The following AMMECR1 variants were observed in gnomAD, a reference collection of about 807,000 sequenced individuals.
AMMECR1 encodes the protein AMMECR nuclear protein 1, also known as nuclear protein AMMECR1.
A neutral mutation model predicts 22.5 loss-of-function variants in AMMECR1; 3 were observed. The ratio of observed to expected loss-of-function variants is 0.13; its 90% CI spans 0.06 to 0.35. AMMECR1 has a LOEUF of 0.35. Among genes scored for constraint, AMMECR1 ranks in the 10% least tolerant of loss-of-function variants. The pLI, the probability that AMMECR1 is intolerant of heterozygous loss-of-function variation, is 1.00. For missense variants in AMMECR1, 235 were observed against 278.7 expected (o/e 0.84, Z 1.12); for synonymous variants, 130 against 116.7 (o/e 1.11, Z -0.74).
At chrX:110,276,857 T>G (rs1028793968) in intron 1 of AMMECR1, among the ~76,000 whole-genome samples, 3 of 111,305 alleles carry the variant, frequency 2.7e-5, no homozygotes, top group Non-Finnish European at 5.7e-5. Context: ...CTCCATAAAT[T>G]TCTGCCACCT....
intron 2 of AMMECR1, among the ~76,000 whole-genome samples, chrX:110,388,637 G>A (rs1408207308): frequency 1.8e-5 from 2 of 112,331 alleles, no homozygotes. Context: ...AGCCCCTGGA[G>A]GGCTTCTTAA....
chrX:110,349,264 A>G (rs1477901137), intron 2 of AMMECR1, among the ~76,000 whole-genome samples: 1 of 111,999 alleles, frequency 8.9e-6, no homozygotes, highest in Non-Finnish European at 1.9e-5. Flanking sequence ...TGCTATATCA[A>G]GAATACCCCA....
intron 2 of AMMECR1, among the ~76,000 whole-genome samples, chrX:110,331,593 A>G (rs1366030310): frequency 9.0e-6 from 1 of 111,467 alleles, no homozygotes; most frequent in Non-Finnish European, 1.9e-5. Context: ...ACTGAGAGCC[A>G]TGTGACTACT....
At chrX:110,292,936 T>C (rs1484415514) in intron 1 of AMMECR1, among the ~76,000 whole-genome samples, 1 of 112,073 alleles carries the variant, frequency 8.9e-6, no homozygotes, top group Non-Finnish European at 1.9e-5. Context: ...TATATATATG[T>C]GCGAGCAAGG....
intron 2 of AMMECR1, among the ~76,000 whole-genome samples, chrX:110,260,390 A>G (rs2067733985): frequency 9.0e-6 from 1 of 111,499 alleles, no homozygotes; most frequent in Non-Finnish European, 1.9e-5. Context: ...TGACTTTGAC[A>G]AGTACTTTAC....
Position 110,263,125 on chromosome X carries a change from GT to G in AMMECR1, c.584+1363del, listed in dbSNP as rs1358893784. Among the ~76,000 whole-genome samples the G allele has an allele frequency of 1.8e-5, 2 of 110,667 alleles. 1 individual carries two copies. Among genetic ancestry groups the G allele is most frequent in the South Asian group, 7.6e-4 (2 of 2,639 alleles). On this transcript the variant is annotated intron_variant, in intron 2 of 5. Transcript: ENST00000262844. Reference sequence around the variant, plus strand: ...ATTGCCATTGATTAGTATTAAATGTGTAATTTAATATGTACCTGTCCCAAAA... The same window carrying G: ...ATTGCCATTGATTAGTATTAAATGTGAATTTAATATGTACCTGTCCCAAAA...
At chrX:110,369,288 C>A (rs1476473716) in intron 2 of AMMECR1, among the ~76,000 whole-genome samples, 1 of 111,063 alleles carries the variant, frequency 9.0e-6, no homozygotes. Flanking sequence ...GCAGAGATGG[C>A]ACCACTGCAC....
At chrX:110,235,510 A>T (rs778726609) in intron 2 of AMMECR1, among the ~76,000 whole-genome samples, 10 of 110,952 alleles carry the variant, frequency 9.0e-5, no homozygotes, top group Non-Finnish European at 1.7e-4. Flanking sequence ...TAAATCATGC[A>T]CAAGTATATT....
At position 110,202,480 on chromosome X, in the gene AMMECR1, G is replaced by A. The variant is rs2067401844; in HGVS notation, c.756C>T (p.Thr252=). ...TTGCAACCTCCGGTAGGTAGGTGGC[G>A]GTGCGTTTTGATCCTTTTTCATTGA... ...EFINEKGSKR[T]ATYLPEVAKE... Residue 252 remains threonine (T), a synonymous_variant, in exon 4 of 6, where the codon ACC becomes ACT. Coordinates refer to ENST00000262844, the MANE Select transcript of AMMECR1 (RefSeq NM_015365.3). 4 of 1,206,814 alleles carry A rather than the reference G, an allele frequency of 3.3e-6. No homozygotes were observed. Among genetic ancestry groups the A allele is most frequent in the Admixed American group, 2.2e-5 (1 of 45,608 alleles).
intron 2 of AMMECR1, among the ~76,000 whole-genome samples, chrX:110,220,739 A>T: frequency 8.9e-6 from 1 of 111,814 alleles, no homozygotes; most frequent in Middle Eastern, 4.6e-3. Context: ...CTTCTCAAGA[A>T]TACACCTCAC....
chrX:110,213,972 A>G (rs2067459949), intron 3 of AMMECR1, among the ~76,000 whole-genome samples: 1 of 111,591 alleles, frequency 9.0e-6, no homozygotes, highest in Middle Eastern at 4.6e-3. Flanking sequence ...AAGTAAAAAA[A>G]AAAAATGGGG....
At chrX:110,368,579 T>C (rs2068314549) in intron 2 of AMMECR1, among the ~76,000 whole-genome samples, 1 of 112,331 alleles carries the variant, frequency 8.9e-6, no homozygotes, top group South Asian at 3.7e-4. Context: ...ACTTTCTTTA[T>C]CATCTTATTT....
chrX:110,365,117 T>A (rs1340359905), intron 2 of AMMECR1, among the ~76,000 whole-genome samples: 1 of 111,936 alleles, frequency 8.9e-6, no homozygotes, highest in Non-Finnish European at 1.9e-5. Flanking sequence ...TTCCCAGGGA[T>A]GTCTTTCTCA....
chrX:110,259,382 C>G (rs947350734), intron 2 of AMMECR1, among the ~76,000 whole-genome samples: 26 of 111,047 alleles, frequency 2.3e-4, no homozygotes, highest in African/African-American at 7.5e-4. Context: ...ATTTCACTGC[C>G]GAGAGGTCTA....
chrX:110,373,612 T>C (rs2068354896), intron 2 of AMMECR1, among the ~76,000 whole-genome samples: 1 of 112,602 alleles, frequency 8.9e-6, no homozygotes, highest in Non-Finnish European at 1.9e-5. Flanking sequence ...GGGAGAATTA[T>C]GTCCCAAGAA....
chrX:110,320,889 GA>G (rs1015169463), upstream of AMMECR1, among the ~76,000 whole-genome samples: 2 of 111,941 alleles, frequency 1.8e-5, no homozygotes, highest in African/African-American at 3.3e-5. Context: ...CTAAAAGGGG[GA>G]AAAACACTAA....
Position 110,429,470 on chromosome X carries a change from T to G in AMMECR1, c.-293-2667A>C, listed in dbSNP as rs757526207. ...TTAGAGAAAAAGTGTTTTTTTTTTT[T>G]TTTGTTTTGTTTTTTTGGTTTTTTT... is the stretch of plus-strand genomic sequence containing the variant. On this transcript the variant is annotated intron_variant, in intron 1 of 7. Coordinates refer to the AMMECR1 transcript ENST00000372057. Among the ~76,000 whole-genome samples, 153 of 79,422 alleles carry G rather than the reference T, an allele frequency of 1.9e-3. 1 individual carries two copies. Among genetic ancestry groups the G allele is most frequent in the African/African-American group, 4.2e-3 (33 of 7,877 alleles). 69.0% of individuals were successfully genotyped at this position (79,422 alleles called of 115,157 possible).
At chrX:110,307,236 A>G (rs1263146819) in intron 1 of AMMECR1, 1 of 102,354 alleles carries the variant, frequency 9.8e-6, no homozygotes, top group Admixed American at 1.0e-4. Context: ...ATGGAGCAAG[A>G]TTCTGTCTCC....
At chrX:110,283,981 G>A (rs890852745) in intron 1 of AMMECR1, among the ~76,000 whole-genome samples, 1 of 110,640 alleles carries the variant, frequency 9.0e-6, no homozygotes, top group Non-Finnish European at 1.9e-5. Flanking sequence ...AATTAGCTGG[G>A]CGTGGTGGCA....
Sources: gnomAD v4.1 joint callset for allele counts (sites outside exome capture counted in the v4.1 genomes callset) on GRCh38, gnomAD v4.1.1 for gene constraint, MANE v1.5 for transcripts, NCBI Gene and HGNC (gene_info 2026-07-23, HGNC 2026-07-21) for gene names.